The following CAMK2B variants were observed in gnomAD, a reference collection of about 807,000 sequenced individuals.
CAMK2B encodes the protein calcium/calmodulin-dependent protein kinase type II subunit beta.
A neutral mutation model predicts 93.7 loss-of-function variants in CAMK2B; 27 were observed. The observed-to-expected ratio is 0.29, with a 90% CI of 0.21 to 0.40. The LOEUF is 0.40. Ranked by LOEUF, CAMK2B falls within the 10% of genes least tolerant of loss-of-function variation. CAMK2B has a pLI of 1.00. For missense variants in CAMK2B, 568 were observed against 895.8 expected (o/e 0.63, Z 4.67); for synonymous variants, 374 against 358.8 (o/e 1.04, Z -0.48).
chr7:44,324,309 G>A (rs1016355969), intron 1 of CAMK2B, among the ~76,000 whole-genome samples: 1 of 152,334 alleles, frequency 6.6e-6, no homozygotes, highest in East Asian at 1.9e-4. Flanking sequence ...GGAGGAGGAT[G>A]GGGGAGGACG....
intron 21 of CAMK2B, 52 bp from the exon 22 acceptor site, chr7:44,220,762 C>T (rs563274782): frequency 1.9e-6 from 3 of 1,567,610 alleles, no homozygotes; most frequent in Admixed American, 1.9e-5. Context: ...TGACTCTGAG[C>T]AGGCCCCCCC....
chr7:44,313,479 GA>G (rs1794078753), intron 1 of CAMK2B, among the ~76,000 whole-genome samples: 1 of 151,742 alleles, frequency 6.6e-6, no homozygotes, highest in South Asian at 2.1e-4. Context: ...GGCCACTCAG[GA>G]AACAAGCAAA....
chr7:44,312,264 G>A lies in CAMK2B; in HGVS notation c.65+13093C>T, dbSNP rs1419022480. Among the ~76,000 whole-genome samples the A allele has an allele frequency of 6.6e-6, 1 of 152,204 alleles. No individual in the cohort carries two copies. Among genetic ancestry groups the A allele is most frequent in the African/African-American group, 2.4e-5 (1 of 41,456 alleles). Reference sequence around the variant, plus strand: ...TCCAGCATCCTCAGCCCACACTGGGGGAAATAGTTCAGCCAGGTGTCAGTG... The same window carrying A: ...TCCAGCATCCTCAGCCCACACTGGGAGAAATAGTTCAGCCAGGTGTCAGTG... On this transcript the variant is annotated intron_variant, in intron 1 of 23. Coordinates refer to ENST00000395749, the MANE Select transcript of CAMK2B (RefSeq NM_001220.5). The surrounding 1 kb of genome is among the most constrained non-coding windows in gnomAD (Gnocchi z 4.1).
chr7:44,319,698 A>G (rs893605187), intron 1 of CAMK2B, among the ~76,000 whole-genome samples: 2 of 152,200 alleles, frequency 1.3e-5, no homozygotes, highest in African/African-American at 2.4e-5. Flanking sequence ...CTGATTTCAA[A>G]TATAGCATCC....
chr7:44,239,549 C>G (rs372310837), intron 13 of CAMK2B, 40 bp downstream of exon 13: 1 of 1,496,876 alleles, frequency 6.7e-7, no homozygotes, highest in Admixed American at 2.0e-5. Flanking sequence ...GCAGGAGGGA[C>G]GGGCGGGAGC....
At chr7:44,263,092 C>A in intron 2 of CAMK2B, 28 bp from the exon 3 acceptor site, 1 of 1,609,632 alleles carries the variant, frequency 6.2e-7, no homozygotes, top group Non-Finnish European at 8.5e-7. Flanking sequence ...CAAGGCGTCA[C>A]CTCCTGCGCC....
Position 44,224,595 on chromosome 7 carries a change from C to T in CAMK2B, c.1597+1921G>A, listed in dbSNP as rs1392173868. Among the ~76,000 whole-genome samples the T allele has an allele frequency of 2.6e-5, 4 of 152,106 alleles. No homozygotes were observed. In the East Asian group the frequency reaches 5.8e-4, roughly 22 times the overall value. ...GGTGAGGCAACAGGTCCAGGCAGGC[C>T]TAATGCGTCCAGGTGGGGTCAGAGC... On this transcript the variant is annotated intron_variant, in intron 20 of 23. Transcript: ENST00000395749. The surrounding 1 kb of genome is among the most constrained non-coding windows in gnomAD (Gnocchi z 4.4).
intron 2 of CAMK2B, among the ~76,000 whole-genome samples, chr7:44,281,167 G>A (rs1217340046): frequency 6.6e-6 from 1 of 152,228 alleles, no homozygotes; most frequent in Non-Finnish European, 1.5e-5. Flanking sequence ...TGCTGTCATC[G>A]CAGGGTGGCC....
At chr7:44,320,225 G>C (rs1043069112) in intron 1 of CAMK2B, among the ~76,000 whole-genome samples, 1 of 152,148 alleles carries the variant, frequency 6.6e-6, no homozygotes, top group African/African-American at 2.4e-5. Context: ...TCTTCACAAA[G>C]GGGAACCTAG....
At chr7:44,223,014 T>C (rs2096431203) in intron 20 of CAMK2B, among the ~76,000 whole-genome samples, 1 of 152,224 alleles carries the variant, frequency 6.6e-6, no homozygotes, top group East Asian at 1.9e-4. Context: ...TGCACACATG[T>C]TCATGTATGT....
chr7:44,275,837 G>C (rs995257301), intron 2 of CAMK2B, among the ~76,000 whole-genome samples: 3 of 152,082 alleles, frequency 2.0e-5, no homozygotes, highest in African/African-American at 7.2e-5. Context: ...TTCTGTACCT[G>C]GATGCAGGGT....
At chr7:44,319,576 C>T (rs973138768) in intron 1 of CAMK2B, among the ~76,000 whole-genome samples, 13 of 152,278 alleles carry the variant, frequency 8.5e-5, no homozygotes, top group Middle Eastern at 3.4e-3. Context: ...CCTTTGACCG[C>T]GGCAGGAGTC....
intron 2 of CAMK2B, among the ~76,000 whole-genome samples, chr7:44,276,514 C>A (rs377446429): frequency 4.6e-4 from 70 of 152,252 alleles, no homozygotes; most frequent in African/African-American, 1.5e-3. Flanking sequence ...CCCTGGGGTG[C>A]GGGCTCAGCC....
At chr7:44,242,507 C>A in intron 9 of CAMK2B, 53 bp downstream of exon 9, 1 of 1,536,222 alleles carries the variant, frequency 6.5e-7, no homozygotes, top group Non-Finnish European at 8.9e-7. Context: ...GCTGCCCTCA[C>A]CCGGCCACAC....
intron 2 of CAMK2B, among the ~76,000 whole-genome samples, chr7:44,269,073 C>T (rs1276850281): frequency 4.9e-4 from 75 of 152,220 alleles, no homozygotes; most frequent in Non-Finnish European, 1.3e-4. Flanking sequence ...GAGAAGCCAG[C>T]TGAGGGCGAT....
Position 44,284,172 on chromosome 7 carries a change from T to C in CAMK2B, c.119A>G (p.Tyr40Cys). Residue 40 changes from tyrosine (Y) to cysteine (C), a missense_variant, in exon 2 of 24, where the codon TAT becomes TGT. Around this residue, in one of 4 missense-constraint regions of CAMK2B, gnomAD observed 105 missense variants for 372.4 expected, o/e 0.28. Coordinates refer to ENST00000395749, the MANE Select transcript of CAMK2B (RefSeq NM_001220.5). Reference protein sequence around the residue: ...RCVKLCTGHEYAAKIINTKKL... With the variant: ...RCVKLCTGHECAAKIINTKKL... ...CTTGGTGTTGATGATCTTGGCTGCA[T>C]ACTCATGGCCGGTGCAGAGCTTGAC... The C allele has an allele frequency of 6.2e-7, 1 of 1,613,822 alleles. No homozygotes were observed. The highest frequency in any genetic ancestry group is 8.5e-7 in the Non-Finnish European group (1 of 1,179,926).
At chr7:44,226,239 C>T (rs1775977201) in intron 20 of CAMK2B, among the ~76,000 whole-genome samples, 1 of 151,768 alleles carries the variant, frequency 6.6e-6, no homozygotes, top group African/African-American at 2.4e-5. Flanking sequence ...AGCTGTGGAC[C>T]TCAGGGTTGC....
intron 10 of CAMK2B, 75 bp from the exon 11 acceptor site, chr7:44,241,858 G>T: frequency 8.2e-7 from 1 of 1,212,418 alleles, no homozygotes; most frequent in Non-Finnish European, 1.2e-6. Context: ...AAGGCTTGTG[G>T]CACCCTGGGG....
intron 6 of CAMK2B, chr7:44,245,081 C>A: frequency 2.4e-6 from 1 of 410,908 alleles, no homozygotes; most frequent in Admixed American, 2.7e-5. Context: ...CCAGAGCAGA[C>A]TTGCTGCATG....
Sources: gnomAD v4.1 joint callset for allele counts (sites outside exome capture counted in the v4.1 genomes callset) on GRCh38, gnomAD v4.1.1 for gene constraint, gnomAD v4.1.1 regional missense constraint, Gnocchi (gnomAD v3.1) non-coding constraint, MANE v1.5 for transcripts, NCBI Gene and HGNC (gene_info 2026-07-23, HGNC 2026-07-21) for gene names.